The following ELF2 variants were observed in gnomAD, a reference collection of about 807,000 sequenced individuals.
ELF2 encodes ETS-related transcription factor Elf-2.
Under a neutral mutation model 54.8 loss-of-function variants are expected in ELF2, and 11 were observed. The ratio of observed to expected loss-of-function variants is 0.20; its 90% CI spans 0.13 to 0.33. The LOEUF is 0.33. Among genes scored for constraint, ELF2 ranks in the 10% least tolerant of loss-of-function variants. ELF2 has a pLI of 1.00. For synonymous variants in ELF2, 203 were observed against 245.1 expected, an observed-to-expected ratio of 0.83 and a Z score of 1.61; for missense variants, 513 against 703.0, an observed-to-expected ratio of 0.73 and a Z score of 3.06.
chr4:139,090,099 T>A (rs1004846252), intron 4 of ELF2, among the ~76,000 whole-genome samples: 5 of 152,208 alleles, frequency 3.3e-5, no homozygotes, highest in African/African-American at 9.7e-5. Flanking sequence ...GCTAATTTTT[T>A]AAAATAATTT....
intron 4 of ELF2, among the ~76,000 whole-genome samples, chr4:139,077,254 G>C (rs1730437012): frequency 6.6e-6 from 1 of 152,102 alleles, no homozygotes; most frequent in Non-Finnish European, 1.5e-5. Context: ...AATCCAAAAT[G>C]CTTTAATGAG....
In ELF2 at chr4:139,080,746, G is replaced by A. The variant is rs190873000; in HGVS notation, c.239-7179C>T. Among the ~76,000 whole-genome samples the A allele has an allele frequency of 6.2e-4, 95 of 152,064 alleles. 1 individual carries two copies. The East Asian group carries it at 0.018, about 28-fold the overall frequency. On this transcript the variant is annotated intron_variant, in intron 4 of 9. Coordinates refer to ENST00000686138, the MANE Select transcript of ELF2 (RefSeq NM_001331036.3). ...AGGAAAGTAACAATGCTAGACATTTGTTTTTCCTATATTAAGCTATATACA... is the reference window on the plus strand; with the variant it reads ...AGGAAAGTAACAATGCTAGACATTTATTTTTCCTATATTAAGCTATATACA...
In ELF2 at chr4:139,137,823, A is replaced by G; in HGVS notation, c.-122T>C. 7.1e-7 allele frequency: 1 copy of G among 1,410,920 alleles called. No individual in the cohort carries two copies. Among genetic ancestry groups the G allele is most frequent in the Non-Finnish European group, 9.2e-7 (1 of 1,081,646 alleles). The allele number at this position is 1,410,920 out of a possible 1,614,324, so 87.4% of individuals were successfully genotyped here. On this transcript the variant is annotated 5_prime_UTR_variant, in exon 3 of 10. Coordinates refer to ENST00000686138, the MANE Select transcript of ELF2 (RefSeq NM_001331036.3). ...AAAGTCAATAGAGATGGAGTGGAGT[A>G]GATATCCAGAAATCCAGTCTTCTAA...
chr4:139,163,935 G>C lies in ELF2; in HGVS notation c.-252+13032C>G, dbSNP rs532067789. Among the ~76,000 whole-genome samples the C allele has an allele frequency of 2.0e-5, 3 of 150,218 alleles. No individual in the cohort carries two copies. In the East Asian group the frequency reaches 5.9e-4, roughly 29 times the overall value. ...AGTAGGAAGGAAGGAGGGAGGGAGA[G>C]ACAGAGGGAGGGGTGAGAAAGAGAA... On this transcript the variant is annotated intron_variant, in intron 1 of 9. Coordinates refer to ENST00000686138, the MANE Select transcript of ELF2 (RefSeq NM_001331036.3).
chr4:139,125,884 T>C (rs1185123112), intron 3 of ELF2, among the ~76,000 whole-genome samples: 1 of 151,770 alleles, frequency 6.6e-6, no homozygotes, highest in Non-Finnish European at 1.5e-5. Context: ...CTAGACCTTC[T>C]CTCTCCTTCA....
chr4:139,121,324 G>A (rs1014613888), intron 4 of ELF2, among the ~76,000 whole-genome samples: 3 of 151,140 alleles, frequency 2.0e-5, no homozygotes, highest in Non-Finnish European at 3.0e-5. Flanking sequence ...TAGCCAGGAT[G>A]GTCTCGATCT....
intron 1 of ELF2, among the ~76,000 whole-genome samples, chr4:139,146,864 C>T (rs575172755): frequency 1.3e-5 from 2 of 152,248 alleles, no homozygotes; most frequent in East Asian, 1.9e-4. Flanking sequence ...TCATCTTATA[C>T]AAACATCAAC....
At chr4:139,164,228 AAG>A (rs1411620492) in intron 1 of ELF2, among the ~76,000 whole-genome samples, 9 of 147,864 alleles carry the variant, frequency 6.1e-5, no homozygotes, top group Admixed American at 2.0e-4. Flanking sequence ...GAGGGAGGGA[AAG>A]AGATAGAGAA....
intron 3 of ELF2, among the ~76,000 whole-genome samples, chr4:139,126,103 T>G (rs987122714): frequency 6.6e-6 from 1 of 152,128 alleles, no homozygotes; most frequent in African/African-American, 2.4e-5. Flanking sequence ...GAGAAGATAT[T>G]ATAAAGTAAG....
intron 1 of ELF2, among the ~76,000 whole-genome samples, chr4:139,176,330 G>T (rs1288985029): frequency 6.6e-6 from 1 of 152,188 alleles, no homozygotes; most frequent in South Asian, 2.1e-4. Flanking sequence ...GTGCAAGCTA[G>T]CAGCGCCGGG....
chr4:139,177,913 G>A (rs972155660), upstream of ELF2, among the ~76,000 whole-genome samples: 4 of 152,080 alleles, frequency 2.6e-5, no homozygotes, highest in Non-Finnish European at 4.4e-5. Flanking sequence ...CTTAGTGAAA[G>A]GTGGGGGTTC....
At chr4:139,085,986 G>A (rs1731935418) in intron 4 of ELF2, among the ~76,000 whole-genome samples, 1 of 152,002 alleles carries the variant, frequency 6.6e-6, no homozygotes, top group Admixed American at 6.6e-5. Flanking sequence ...ACTTAACAAA[G>A]GTTACAAAGT....
At chr4:139,125,080 G>T in intron 4 of ELF2, 84 bp downstream of exon 4, 1 of 1,499,056 alleles carries the variant, frequency 6.7e-7, no homozygotes, top group Non-Finnish European at 8.9e-7. Flanking sequence ...AGGTTTTTCA[G>T]TATATTTTTC....
At chr4:139,080,822 A>T (rs2148721669) in intron 4 of ELF2, among the ~76,000 whole-genome samples, 1 of 152,230 alleles carries the variant, frequency 6.6e-6, no homozygotes, top group Admixed American at 6.5e-5. Flanking sequence ...ACTTAAACAT[A>T]TAAAGAGCCT....
intron 4 of ELF2, among the ~76,000 whole-genome samples, chr4:139,083,304 G>A (rs1358513746): frequency 1.3e-5 from 2 of 152,092 alleles, no homozygotes; most frequent in African/African-American, 2.4e-5. Flanking sequence ...GTTCTTCTCT[G>A]ACGCCGCAAC....
chr4:139,073,668 AAAAT>A (rs1413903572), intron 4 of ELF2, 101 bp from the exon 5 acceptor site: 38 of 524,212 alleles, frequency 7.2e-5, no homozygotes, highest in Non-Finnish European at 9.1e-5. Context: ...AGAGAAATGA[AAAAT>A]AAATAAATAT....
intron 5 of ELF2, among the ~76,000 whole-genome samples, chr4:139,072,838 T>A (rs1247523557): frequency 6.6e-6 from 1 of 152,228 alleles, no homozygotes; most frequent in Non-Finnish European, 1.5e-5. Flanking sequence ...AATTAAGAAG[T>A]ATGGTTGCTC....
At chr4:139,147,396 T>C (rs944845849) in intron 1 of ELF2, among the ~76,000 whole-genome samples, 1 of 152,220 alleles carries the variant, frequency 6.6e-6, no homozygotes. Context: ...GATATTGGCA[T>C]GGACTTGGTG....
chr4:139,115,441 G>T (rs1269320272), intron 4 of ELF2: 12 of 979,258 alleles, frequency 1.2e-5, no homozygotes, highest in Non-Finnish European at 1.5e-5. Context: ...GGACGCCCCC[G>T]GCTGGCTGGG....
Sources: gnomAD v4.1 joint callset for allele counts (sites outside exome capture counted in the v4.1 genomes callset) on GRCh38, gnomAD v4.1.1 for gene constraint, MANE v1.5 for transcripts, NCBI Gene and HGNC (gene_info 2026-07-23, HGNC 2026-07-21) for gene names.